The following FAM81A variants were observed in gnomAD, a reference collection of about 807,000 sequenced individuals.
FAM81A encodes protein FAM81A.
Under a neutral mutation model 46.7 loss-of-function variants are expected in FAM81A, and 19 were observed. That is an observed-to-expected ratio of 0.41 (90% CI 0.28 to 0.60). The LOEUF (loss-of-function observed/expected upper bound fraction) is 0.60, where lower values mean the gene tolerates loss of function less well. Among genes scored for constraint, FAM81A ranks in the 20% least tolerant of loss-of-function variants. The pLI is 0.34. For missense variants in FAM81A, 377 were observed against 453.5 expected, an observed-to-expected ratio of 0.83 and a Z score of 1.53; for synonymous variants, 183 against 152.9, an observed-to-expected ratio of 1.20 and a Z score of -1.45.
chr15:59,456,933 T>A (rs2081492190), intron 1 of FAM81A, among the ~76,000 whole-genome samples: 2 of 152,156 alleles, frequency 1.3e-5, no homozygotes, highest in South Asian at 4.1e-4. Flanking sequence ...GGGATTTTAG[T>A]TTTTCCTAGT....
intron 2 of FAM81A, among the ~76,000 whole-genome samples, chr15:59,412,632 T>A (rs1345418756): frequency 6.6e-6 from 1 of 151,024 alleles, no homozygotes; most frequent in Non-Finnish European, 1.5e-5. Flanking sequence ...GAGGTTGAGG[T>A]GGGAGAATTG....
At chr15:59,413,353 G>T (rs1330070995) in intron 2 of FAM81A, among the ~76,000 whole-genome samples, 1 of 151,332 alleles carries the variant, frequency 6.6e-6, no homozygotes, top group Admixed American at 6.6e-5. Flanking sequence ...GAACGTAACT[G>T]GCTGCCCAAG....
chr15:59,474,964 A>G (rs1282599637), intron 3 of FAM81A, among the ~76,000 whole-genome samples: 2 of 152,168 alleles, frequency 1.3e-5, no homozygotes, highest in Non-Finnish European at 2.9e-5. Flanking sequence ...TCTGAGTTTC[A>G]GGAAGAACTT....
intron 3 of FAM81A, among the ~76,000 whole-genome samples, chr15:59,474,354 C>G (rs1183209043): frequency 6.6e-6 from 1 of 152,152 alleles, no homozygotes; most frequent in Non-Finnish European, 1.5e-5. Flanking sequence ...GCTGGGAAGT[C>G]CAAGCCCAAG....
chr15:59,422,503 G>A (rs1315724561), intron 2 of FAM81A, among the ~76,000 whole-genome samples: 3 of 151,914 alleles, frequency 2.0e-5, no homozygotes, highest in Admixed American at 1.3e-4. Context: ...TTGAGGTGGA[G>A]TCTCGCTCTG....
At chr15:59,470,777 G>A (rs529412793) in intron 3 of FAM81A, among the ~76,000 whole-genome samples, 14 of 152,144 alleles carry the variant, frequency 9.2e-5, no homozygotes, top group Non-Finnish European at 1.9e-4. Flanking sequence ...CATGCTGGGA[G>A]CTGCAGACCA....
intron 1 of FAM81A, among the ~76,000 whole-genome samples, chr15:59,443,605 C>G (rs1390025050): frequency 6.6e-6 from 1 of 152,006 alleles, no homozygotes; most frequent in Non-Finnish European, 1.5e-5. Flanking sequence ...GGAGTGTGTC[C>G]CTTTCAGTGC....
At chr15:59,399,890 C>G (rs17190875) in intron 1 of FAM81A, among the ~76,000 whole-genome samples, 2,248 of 152,176 alleles carry the variant, frequency 0.015, 28 homozygotes, top group Middle Eastern at 0.027. Flanking sequence ...AAGCCCCATA[C>G]TTATTTTTCA....
At chr15:59,437,781 T>A (rs2081253404), upstream of FAM81A, among the ~76,000 whole-genome samples, 1 of 152,134 alleles carries the variant, frequency 6.6e-6, no homozygotes. Flanking sequence ...AGAATTGCAG[T>A]GCCACCACCA....
chr15:59,466,276 G>A (rs192381559), intron 3 of FAM81A, among the ~76,000 whole-genome samples: 6 of 152,128 alleles, frequency 3.9e-5, no homozygotes, highest in Non-Finnish European at 5.9e-5. Context: ...CTGAGGAATC[G>A]CCACACTGTC....
intron 2 of FAM81A, among the ~76,000 whole-genome samples, chr15:59,404,094 G>A (rs1224558904): frequency 1.3e-5 from 2 of 152,042 alleles, no homozygotes; most frequent in African/African-American, 2.4e-5. Flanking sequence ...TGTTGGCCAG[G>A]ATGGTCTCGA....
At chr15:59,449,079 C>T (rs1039808029) in intron 1 of FAM81A, among the ~76,000 whole-genome samples, 1 of 152,126 alleles carries the variant, frequency 6.6e-6, no homozygotes. Flanking sequence ...GTTAAGATCA[C>T]ATAGTATTAA....
rs57346659 is a variant in FAM81A, at chr15:59,482,377, T to G, written c.295-9894T>G. 9.8e-3 allele frequency among the ~76,000 whole-genome samples: 1,498 copies of G among 152,300 alleles called. 24 individuals carry two copies. The highest frequency in any genetic ancestry group is 0.067 in the East Asian group (349 of 5,180). On this transcript the variant is annotated intron_variant, in intron 3 of 8. Transcript: ENST00000288228. ...TCCACTACCTGGGTCCAAGCAATTC[T>G]CCTGCCTCAGCCTCCTGAGTAGCTG...
chr15:59,462,108 C>CAGG (rs2081558703), intron 3 of FAM81A, among the ~76,000 whole-genome samples: 1 of 150,448 alleles, frequency 6.6e-6, no homozygotes, highest in Admixed American at 6.7e-5. Context: ...GAGGTTGAGG[C>CAGG]AGGAGAATGG....
At chr15:59,518,435 G>A (rs745801225) in intron 8 of FAM81A, among the ~76,000 whole-genome samples, 1 of 151,900 alleles carries the variant, frequency 6.6e-6, no homozygotes, top group Non-Finnish European at 1.5e-5. Flanking sequence ...CCCCTGCCTC[G>A]ACCTCCTGAG....
chr15:59,462,087 C>T (rs913480062), intron 3 of FAM81A, among the ~76,000 whole-genome samples: 1 of 151,764 alleles, frequency 6.6e-6, no homozygotes, highest in Non-Finnish European at 1.5e-5. Flanking sequence ...CCTGTAGTCC[C>T]AGCTACTCGG....
At chr15:59,413,709 C>A (rs2081132808) in intron 2 of FAM81A, among the ~76,000 whole-genome samples, 1 of 151,992 alleles carries the variant, frequency 6.6e-6, no homozygotes, top group Non-Finnish European at 1.5e-5. Flanking sequence ...TAGCTTGAGG[C>A]CAGAGTCTGA....
rs749245930 is a variant in FAM81A, at chr15:59,460,247, C to G, written c.294+41C>G. 1 of 1,613,556 alleles carries G rather than the reference C, an allele frequency of 6.2e-7. No individual in the cohort carries two copies. The highest frequency in any genetic ancestry group is 8.5e-7 in the Non-Finnish European group (1 of 1,179,804). The stretch of plus-strand genomic sequence containing the variant: ...GTCAGGTGGCCTATGTCCCTTTCCA[C>G]AGAATTGCTCCATGTCAGGAGGTCA... On this transcript the variant is annotated intron_variant, in intron 3 of 8. Transcript: ENST00000288228. The surrounding 1 kb of genome is among the most constrained non-coding windows in gnomAD (Gnocchi z 4.4).
chr15:59,472,655 A>G (rs540540537), intron 3 of FAM81A, among the ~76,000 whole-genome samples: 6 of 151,122 alleles, frequency 4.0e-5, no homozygotes, highest in African/African-American at 1.5e-4. Context: ...GGTTCAGGTG[A>G]TCCTCCCACC....
Sources: gnomAD v4.1 joint callset for allele counts (sites outside exome capture counted in the v4.1 genomes callset) on GRCh38, gnomAD v4.1.1 for gene constraint, Gnocchi (gnomAD v3.1) non-coding constraint, MANE v1.5 for transcripts, NCBI Gene and HGNC (gene_info 2026-07-23, HGNC 2026-07-21) for gene names.